Variants in CTNNA3 observed in about 807,000 individuals in gnomAD.
CTNNA3 encodes catenin alpha-3.
CTNNA3 carries 76 observed loss-of-function variants against 95.7 expected under a neutral mutation model. That is an observed-to-expected ratio of 0.79 (90% CI 0.66 to 0.96). CTNNA3 has a LOEUF of 0.96. CTNNA3 is among the 40% of genes least tolerant of loss of function. CTNNA3 has a pLI of 0.00. For missense variants in CTNNA3, 1,191 were observed against 1,089.8 expected (o/e 1.09, Z -1.31); for synonymous variants, 431 against 374.4 (o/e 1.15, Z -1.74).
At chr10:67,704,932 A>G (rs1341141223) in intron 1 of CTNNA3, among the ~76,000 whole-genome samples, 1 of 152,136 alleles carries the variant, frequency 6.6e-6, no homozygotes, top group African/African-American at 2.4e-5. Context: ...AATTTACAAG[A>G]AAAAAACAAA....
chr10:67,518,367 G>A (rs1204768575), intron 5 of CTNNA3, among the ~76,000 whole-genome samples: 2 of 152,070 alleles, frequency 1.3e-5, no homozygotes, highest in East Asian at 1.9e-4. Context: ...AAAATGAAAC[G>A]GGCTGTACAT....
intron 17 of CTNNA3, among the ~76,000 whole-genome samples, chr10:65,957,175 G>T (rs968858717): frequency 1.5e-4 from 23 of 152,020 alleles, no homozygotes; most frequent in African/African-American, 5.6e-4. Context: ...TCTTTGTTTG[G>T]TTTCAAGTCT....
chr10:67,270,622 A>G (rs1461803803), intron 5 of CTNNA3, among the ~76,000 whole-genome samples: 1 of 152,184 alleles, frequency 6.6e-6, no homozygotes, highest in Non-Finnish European at 1.5e-5. Context: ...ACAAGCAGTA[A>G]AAATGTGCTC....
chr10:66,486,818 TACACACACACAC>T (rs373131708), intron 11 of CTNNA3, among the ~76,000 whole-genome samples: 1 of 140,806 alleles, frequency 7.1e-6, no homozygotes, highest in East Asian at 2.3e-4. Flanking sequence ...GATGAACAAA[TACACACACACAC>T]ACACACACAC....
intron 1 of CTNNA3, among the ~76,000 whole-genome samples, chr10:67,666,890 G>C (rs1410655023): frequency 6.6e-6 from 1 of 152,054 alleles, no homozygotes; most frequent in African/African-American, 2.4e-5. Context: ...AGACCAAGAA[G>C]TGGCAGAATT....
chr10:67,075,194 A>ACACACACACT (rs1856684600), intron 7 of CTNNA3, among the ~76,000 whole-genome samples: 1 of 152,152 alleles, frequency 6.6e-6, no homozygotes, highest in African/African-American at 2.4e-5. Flanking sequence ...ACACACTCAC[A>ACACACACACT]CACTACTATT....
At chr10:66,326,833 A>G (rs7912160) in intron 12 of CTNNA3, among the ~76,000 whole-genome samples, 122,315 of 151,872 alleles carry the variant, frequency 0.81, 49,526 homozygotes, top group Non-Finnish European at 0.85. Context: ...TTCATATTTC[A>G]TTCATTCAGT....
chr10:66,928,240 T>G, intron 7 of CTNNA3: 1 of 1,614,132 alleles, frequency 6.2e-7, no homozygotes, highest in Non-Finnish European at 8.5e-7. Context: ...CTACGTGTCA[T>G]GGAAGCGGTA....
intron 6 of CTNNA3, among the ~76,000 whole-genome samples, chr10:67,191,099 GAATGTGGAGT>G (rs1863099555): frequency 6.6e-6 from 1 of 152,026 alleles, no homozygotes; most frequent in Non-Finnish European, 1.5e-5. Flanking sequence ...ATGCTGGCAA[GAATGTGGAGT>G]AATAAAAACT....
chr10:66,031,106 A>T (rs2126747), intron 15 of CTNNA3, among the ~76,000 whole-genome samples: 123,676 of 152,140 alleles, frequency 0.81, 50,397 homozygotes, highest in South Asian at 0.9. Context: ...ATACTGTTGA[A>T]GAGGATGTAA....
At chr10:67,575,269 T>C (rs1170875965) in intron 3 of CTNNA3, among the ~76,000 whole-genome samples, 1 of 148,930 alleles carries the variant, frequency 6.7e-6, no homozygotes, top group Non-Finnish European at 1.5e-5. Context: ...ATAACTATTT[T>C]GTGAAGTCTT....
At chr10:66,919,278 A>C (rs989289420) in intron 7 of CTNNA3, among the ~76,000 whole-genome samples, 103 of 152,138 alleles carry the variant, frequency 6.8e-4, no homozygotes, top group African/African-American at 2.4e-3. Context: ...TTTGGAGTTG[A>C]TATTTATTAT....
intron 11 of CTNNA3, among the ~76,000 whole-genome samples, chr10:66,444,866 G>C (rs572809608): frequency 6.6e-6 from 1 of 152,234 alleles, no homozygotes; most frequent in East Asian, 1.9e-4. Flanking sequence ...CCAATTAAAA[G>C]ACACAGACTG....
chr10:66,534,481 T>C (rs963698560), intron 10 of CTNNA3, among the ~76,000 whole-genome samples: 253 of 8,508 alleles, frequency 0.03, 5 homozygotes, highest in Middle Eastern at 0.25. Flanking sequence ...TATATATATA[T>C]ATATATATAT....
intron 5 of CTNNA3, among the ~76,000 whole-genome samples, chr10:67,449,325 A>G (rs973596841): frequency 6.6e-6 from 1 of 152,154 alleles, no homozygotes; most frequent in African/African-American, 2.4e-5. Context: ...AGAACTAGAG[A>G]AAACTATTTT....
intron 5 of CTNNA3, among the ~76,000 whole-genome samples, chr10:67,442,093 G>T: frequency 6.6e-6 from 1 of 152,078 alleles, no homozygotes; most frequent in East Asian, 1.9e-4. Flanking sequence ...AAAGTGTAGA[G>T]TTTTTATTAG....
intron 17 of CTNNA3, among the ~76,000 whole-genome samples, chr10:65,929,487 A>G (rs773695158): frequency 3.9e-5 from 6 of 152,192 alleles, no homozygotes; most frequent in Non-Finnish European, 5.9e-5. Flanking sequence ...TTGTTTATTA[A>G]GATTTAATGT....
chr10:65,920,680 C>T (rs962885917), intron 17 of CTNNA3, 63 bp from the exon 18 acceptor site: 25 of 1,545,186 alleles, frequency 1.6e-5, no homozygotes, highest in East Asian at 1.1e-4. Flanking sequence ...TATTGCCAAG[C>T]GTGGGCATGG....
chr10:67,487,506 T>C (rs1487108731), intron 5 of CTNNA3, among the ~76,000 whole-genome samples: 2 of 151,962 alleles, frequency 1.3e-5, no homozygotes, highest in Admixed American at 6.6e-5. Context: ...CTAATTTTGG[T>C]GGTAGGGGAA....
Sources: allele counts gnomAD v4.1 joint callset (sites outside exome capture counted in the v4.1 genomes callset), GRCh38; gene constraint gnomAD v4.1.1; transcripts MANE v1.5; gene names NCBI Gene and HGNC (gene_info 2026-07-23, HGNC 2026-07-21).